Variants in RP1L1 observed in about 807,000 individuals in gnomAD.
RP1L1 encodes the protein RP1 like 1, also known as retinitis pigmentosa 1-like 1 protein.
A neutral mutation model predicts 15.7 loss-of-function variants in RP1L1; 27 were observed. The observed-to-expected ratio is 1.72, with a 90% CI of 1.27 to 2.38. The LOEUF (loss-of-function observed/expected upper bound fraction) is 2.38. Among genes scored for constraint, RP1L1 ranks in the 30% most tolerant of loss-of-function variants. RP1L1 has a pLI of 0.00. For missense variants in RP1L1, 4,798 were observed against 3,075.9 expected (o/e 1.56, Z -13.24); for synonymous variants, 1,813 against 1,276.7 (o/e 1.42, Z -8.96).
intron 1 of RP1L1, among the ~76,000 whole-genome samples, chr8:10,631,220 C>G (rs542458376): frequency 6.6e-6 from 1 of 151,924 alleles, no homozygotes; most frequent in African/African-American, 2.4e-5. Flanking sequence ...CACACACACA[C>G]ACAAACGCAC....
Position 10,609,695 on chromosome 8 carries a change from T to C in RP1L1, c.4403A>G (p.Gln1468Arg), listed in dbSNP as rs543345184. The change falls in exon 4 of 4, where the codon CAG (glutamine) becomes CGG (arginine). Residue 1468 changes from glutamine to arginine, a missense_variant. Coordinates refer to ENST00000382483, the MANE Select transcript of RP1L1 (RefSeq NM_178857.6). ...SETDPSASER[Q>R]SGSQLEPGLE... ...ACCAGGCTCAAGCTGGGAGCCACTCTGCCTCTCGCTGGCACTTGGGTCCGT... is the reference window on the plus strand; with the variant it reads ...ACCAGGCTCAAGCTGGGAGCCACTCCGCCTCTCGCTGGCACTTGGGTCCGT... 5 of 1,613,232 alleles carry C rather than the reference T, an allele frequency of 3.1e-6. No homozygotes were observed. Among genetic ancestry groups the C allele is most frequent in the African/African-American group, 2.7e-5 (2 of 75,060 alleles).
chr8:10,626,817 C>G (rs529599384), intron 1 of RP1L1, among the ~76,000 whole-genome samples: 2 of 152,150 alleles, frequency 1.3e-5, no homozygotes, highest in Admixed American at 1.3e-4. Flanking sequence ...AGCCACAGCA[C>G]GTCATCAAGT....
chr8:10,614,237 C>G (rs1797928090), intron 3 of RP1L1, among the ~76,000 whole-genome samples: 1 of 152,218 alleles, frequency 6.6e-6, no homozygotes, highest in Non-Finnish European at 1.5e-5. Context: ...TAAGCCTCAT[C>G]AAGCTCCTGG....
intron 1 of RP1L1, among the ~76,000 whole-genome samples, chr8:10,643,175 A>C (rs1440563949): frequency 6.6e-6 from 1 of 151,874 alleles, no homozygotes; most frequent in Non-Finnish European, 1.5e-5. Flanking sequence ...CTGTCTCTAC[A>C]AAAAAAACAC....
intron 1 of RP1L1, among the ~76,000 whole-genome samples, chr8:10,631,253 G>GCA (rs145940513): frequency 1.4e-5 from 2 of 144,838 alleles, no homozygotes; most frequent in Admixed American, 1.4e-4. Flanking sequence ...ATGCACACAT[G>GCA]CACACACACG....
rs141822476 is a variant in RP1L1, at chr8:10,622,099, A to G, written c.609+494T>C. Among the ~76,000 whole-genome samples the G allele has an allele frequency of 5.1e-3, 777 of 152,192 alleles. 5 individuals are homozygous for G. Among genetic ancestry groups the G allele is most frequent in the African/African-American group, 0.018 (742 of 41,516 alleles). ...CACTTTGGGAGGCCGAATCGGGCAG[A>G]TCACCTGAGGTTGGGAGTTCAAGAC... On this transcript the variant is annotated intron_variant, in intron 2 of 3. Transcript: ENST00000382483.
In RP1L1 at chr8:10,608,052, C is replaced by A. The variant is rs200140892; in HGVS notation, c.6046G>T (p.Ala2016Ser). 143 of 1,612,974 alleles carry A rather than the reference C, an allele frequency of 8.9e-5. No individual in the cohort carries two copies. Among genetic ancestry groups the A allele is most frequent in the Non-Finnish European group, 1.2e-4 (137 of 1,179,784 alleles). ...EGEMQEAEEE[A>S]QPESDGVEAQ... ...TCTACACCGTCTGACTCTGGCTGGG[C>A]CTCCTCTTCTGCCTCTTGCATCTCC... The change falls in exon 4 of 4, where the codon GCC (alanine) becomes TCC (serine). Residue 2016 changes from alanine to serine, a missense_variant. Coordinates refer to ENST00000382483, the MANE Select transcript of RP1L1 (RefSeq NM_178857.6).
chr8:10,607,217 G>C lies in RP1L1; in HGVS notation c.6881C>G (p.Ser2294Cys). ...TCTGGAGGAGGAAGGGCCTGTTTGG[G>C]AGCCTGGCCTTTGGTGGGGAGTGTC... is the stretch of plus-strand genomic sequence containing the variant. The part of the protein sequence containing the change: ...GGDTPHQRPG[S>C]QTGPSSSRAS... The change falls in exon 4 of 4, where the codon TCC becomes TGC. Residue 2294 changes from serine (S) to cysteine (C), a missense_variant. By Grantham distance (112) the Ser-to-Cys change is moderately radical. Transcript: ENST00000382483. 6.2e-7 allele frequency: 1 copy of C among 1,614,172 alleles called. No homozygotes were observed. The highest frequency in any genetic ancestry group is 8.5e-7 in the Non-Finnish European group (1 of 1,179,986).
At position 10,611,405 on chromosome 8, in the gene RP1L1, G is replaced by T. The variant is rs376508933; in HGVS notation, c.2693C>A (p.Thr898Lys). Residue 898 changes from threonine to lysine, a missense_variant, in exon 4 of 4, where the codon ACG becomes AAG. Physicochemically the swap from Thr to Lys is moderately conservative, Grantham distance 78. Coordinates refer to ENST00000382483, the MANE Select transcript of RP1L1 (RefSeq NM_178857.6). ...PQEGTRQPGP[T>K]PSPGPNSGAS... ...CCCTGAATTGGGGCCTGGGGACGGC[G>T]TGGGGCCTGGCTGGCGTGTCCCCTC... is the stretch of plus-strand genomic sequence containing the variant. 20 of 1,597,704 alleles carry T rather than the reference G, an allele frequency of 1.3e-5. No individual in the cohort carries two copies. The East Asian group carries it at 1.8e-4, about 14-fold the overall frequency.
At chr8:10,636,845 G>C (rs952631610) in intron 1 of RP1L1, among the ~76,000 whole-genome samples, 1 of 152,170 alleles carries the variant, frequency 6.6e-6, no homozygotes, top group African/African-American at 2.4e-5. Context: ...TGCTGGGTTC[G>C]GATGCCCTGG....
chr8:10,620,733 G>A (rs974803727), intron 2 of RP1L1, among the ~76,000 whole-genome samples: 1 of 152,230 alleles, frequency 6.6e-6, no homozygotes, highest in African/African-American at 2.4e-5. Flanking sequence ...GGCTGGGGTG[G>A]CTGGTTCTGA....
rs1220303233 is a variant in RP1L1 at position 10,609,164 on chromosome 8, C to T, written c.4934G>A (p.Ser1645Asn). The T allele has an allele frequency of 6.2e-7, 1 of 1,613,198 alleles. No individual in the cohort carries two copies. Among genetic ancestry groups the T allele is most frequent in the Non-Finnish European group, 8.5e-7 (1 of 1,179,972 alleles). ...CCCCTCCGCCTCCTCGCCCAGCTGG[C>T]TCCCCAGGGCTGTGCTGAGGGCTGG... is the stretch of plus-strand genomic sequence containing the variant. ...DEPALSTALG[S>N]QLGEEAEGEE... Residue 1645 changes from serine to asparagine, a missense_variant, in exon 4 of 4, where the codon AGC becomes AAC. By Grantham distance (46) the Ser-to-Asn change is conservative. Coordinates refer to ENST00000382483, the MANE Select transcript of RP1L1 (RefSeq NM_178857.6).
rs755857892 is a variant in RP1L1, at chr8:10,610,547, A to C, written c.3551T>G (p.Leu1184Arg). The C allele has an allele frequency of 2.5e-6, 4 of 1,613,550 alleles. No homozygotes were observed. The highest frequency in any genetic ancestry group is 1.7e-6 in the Non-Finnish European group (2 of 1,180,002). ...GTTCTCCGTCATGGCATGGGACCCAAGGTCTGGCAGAGCCTGGCTCCATGT... is the reference window on the plus strand; with the variant it reads ...GTTCTCCGTCATGGCATGGGACCCACGGTCTGGCAGAGCCTGGCTCCATGT... ...ELTWSQALPD[L>R]GSHAMTENFT... Residue 1184 changes from leucine (L) to arginine (R), a missense_variant, in exon 4 of 4, where the codon CTT becomes CGT. Transcript: ENST00000382483.
At chr8:10,650,036 A>G (rs1798535490) in intron 1 of RP1L1, among the ~76,000 whole-genome samples, 1 of 152,186 alleles carries the variant, frequency 6.6e-6, no homozygotes, top group Non-Finnish European at 1.5e-5. Context: ...CACGTGATCC[A>G]ACCCTGGCCA....
In RP1L1 at chr8:10,623,786, G is replaced by A. The variant is rs574554508; in HGVS notation, c.-19-566C>T. ...CCAGCATCACTATGTCCCCAGCACA[G>A]CACCACATGTCCCCAACATTGCTGT... On this transcript the variant is annotated intron_variant, in intron 1 of 3. Coordinates refer to ENST00000382483, the MANE Select transcript of RP1L1 (RefSeq NM_178857.6). Among the ~76,000 whole-genome samples, 7 of 149,014 alleles carry A rather than the reference G, an allele frequency of 4.7e-5. No individual in the cohort carries two copies. In the South Asian group the frequency reaches 1.5e-3, roughly 32 times the overall value.
rs1394784202 is a variant in RP1L1 at position 10,608,345 on chromosome 8, T to A, written c.5753A>T (p.Glu1918Val). 1 of 1,611,452 alleles carries A rather than the reference T, an allele frequency of 6.2e-7. No individual in the cohort carries two copies. The highest frequency in any genetic ancestry group is 1.7e-5 in the Admixed American group (1 of 59,780). The change falls in exon 4 of 4, where the codon GAG (glutamate) becomes GTG (valine). Residue 1918 changes from glutamate (E) to valine (V), a missense_variant. Coordinates refer to ENST00000382483, the MANE Select transcript of RP1L1 (RefSeq NM_178857.6). ...CTCCAGGGCCTCTACACTTTCTGTCTCTGGCTGGGCCTCCTTTTCTGCCTC... is the reference window on the plus strand; with the variant it reads ...CTCCAGGGCCTCTACACTTTCTGTCACTGGCTGGGCCTCCTTTTCTGCCTC... ...APEAEKEAQP[E>V]TESVEALETE...
intron 1 of RP1L1, among the ~76,000 whole-genome samples, chr8:10,653,657 A>G (rs903464117): frequency 2.2e-5 from 1 of 44,484 alleles, no homozygotes; most frequent in Non-Finnish European, 7.7e-5. Flanking sequence ...ACACACGCAT[A>G]CACACACACA....
rs767659730 is a variant in RP1L1 at position 10,607,511 on chromosome 8, A to G, written c.6587T>C (p.Ile2196Thr). The G allele has an allele frequency of 9.4e-6, 15 of 1,603,680 alleles. No individual in the cohort carries two copies. The South Asian group carries it at 1.3e-4, about 14-fold the overall frequency. ...EGEAQPESEG[I>T]EAPEAEGEAQ... ...CTCCCCTTCTGCCTCTGGGGCCTCT[A>G]TACCTTCTGACTCTGGCTGGGCCTC... Residue 2196 changes from isoleucine to threonine, a missense_variant, in exon 4 of 4, where the codon ATA becomes ACA. By Grantham distance (89) the Ile-to-Thr change is moderately conservative. Transcript: ENST00000382483.
chr8:10,616,560 T>C lies in RP1L1; in HGVS notation c.637A>G (p.Ser213Gly). 1 of 1,613,718 alleles carries C rather than the reference T, an allele frequency of 6.2e-7. No homozygotes were observed. Among genetic ancestry groups the C allele is most frequent in the Non-Finnish European group, 8.5e-7 (1 of 1,180,008 alleles). ...CCGGCACACACCAGCACAGAGGGGC[T>C]GTGCAGCAGGGCCTGCAGCGAGTCC... is the stretch of plus-strand genomic sequence containing the variant. ...KVDSLQALLH[S>G]PSVLVCAGHE... The change falls in exon 3 of 4, where the codon AGC becomes GGC. Residue 213 changes from serine (S) to glycine (G), a missense_variant. Physicochemically the swap from Ser to Gly is moderately conservative, Grantham distance 56. Transcript: ENST00000382483.
Sources: gnomAD v4.1 joint callset for allele counts (sites outside exome capture counted in the v4.1 genomes callset) on GRCh38, gnomAD v4.1.1 for gene constraint, MANE v1.5 for transcripts, NCBI Gene and HGNC (gene_info 2026-07-23, HGNC 2026-07-21) for gene names.